Variants in TP63 observed in about 807,000 individuals in gnomAD.
TP63 encodes the protein tumor protein 63.
In TP63, 17 loss-of-function variants were observed where a neutral mutation model predicts 82.8. The observed-to-expected ratio is 0.21, with a 90% CI of 0.14 to 0.31. The LOEUF (loss-of-function observed/expected upper bound fraction) is 0.31, where lower values mean the gene tolerates loss of function less well. Among genes scored for constraint, TP63 ranks in the 10% least tolerant of loss-of-function variants. TP63 has a pLI of 1.00. For missense variants in TP63, 648 were observed against 895.3 expected (o/e 0.72, Z 3.52); for synonymous variants, 330 against 321.7 (o/e 1.03, Z -0.28).
intron 1 of TP63, among the ~76,000 whole-genome samples, chr3:189,641,005 C>A (rs977757086): frequency 9.2e-5 from 14 of 152,000 alleles, no homozygotes; most frequent in Admixed American, 7.9e-4. Context: ...TAATACCTAG[C>A]CTCTCTGAAT....
chr3:189,668,447 T>C (rs1714601935), intron 1 of TP63, among the ~76,000 whole-genome samples: 2 of 151,822 alleles, frequency 1.3e-5, no homozygotes, highest in Non-Finnish European at 2.9e-5. Flanking sequence ...ACATGAAAAA[T>C]ATAAAAGCAA....
At chr3:189,755,829 A>G (rs1722147034) in intron 3 of TP63, among the ~76,000 whole-genome samples, 2 of 152,172 alleles carry the variant, frequency 1.3e-5, no homozygotes, top group African/African-American at 4.8e-5. Context: ...TCTTTGAAAC[A>G]TGCAAGTACT....
At chr3:189,860,607 G>A (rs1241409671) in intron 4 of TP63, among the ~76,000 whole-genome samples, 1 of 152,220 alleles carries the variant, frequency 6.6e-6, no homozygotes, top group Non-Finnish European at 1.5e-5. Flanking sequence ...AGGACTGGTA[G>A]TTGAACCAAA....
Position 189,871,951 on chromosome 3 carries a change from G to A in TP63, c.1213-908G>A, listed in dbSNP as rs139793452. 6.1e-3 allele frequency among the ~76,000 whole-genome samples: 930 copies of A among 152,252 alleles called. 5 individuals are homozygous for A. Among genetic ancestry groups the A allele is most frequent in the Middle Eastern group, 0.014 (4 of 294 alleles). ...GGTGGTCTTGAACTACTGAGCTCAA[G>A]CAATCTGTTCCCTCCCAAATTGCCG... On this transcript the variant is annotated intron_variant, in intron 9 of 13. Transcript: ENST00000264731.
rs566021476 is a variant in TP63 at position 189,657,524 on chromosome 3, C to G, written c.62+25947C>G. 5.9e-5 allele frequency among the ~76,000 whole-genome samples: 9 copies of G among 152,192 alleles called. No homozygotes were observed. In the East Asian group the frequency reaches 1.7e-3, roughly 29 times the overall value. ...AAAAGAACTAGACATAAAAATTGCA[C>G]TCTCTTTGATGAAGCTTTTACCTGT... is the stretch of plus-strand genomic sequence containing the variant. On this transcript the variant is annotated intron_variant, in intron 1 of 13. Coordinates refer to ENST00000264731, the MANE Select transcript of TP63 (RefSeq NM_003722.5).
the TP63 span, among the ~76,000 whole-genome samples, chr3:189,597,345 A>G: frequency 3.3e-5 from 5 of 152,242 alleles, no homozygotes; most frequent in Non-Finnish European, 7.3e-5. Context: ...TGAAATAAAT[A>G]TGACTTAATA....
At chr3:189,748,831 C>T (rs1721581570) in intron 3 of TP63, among the ~76,000 whole-genome samples, 1 of 151,978 alleles carries the variant, frequency 6.6e-6, no homozygotes, top group South Asian at 2.1e-4. Context: ...GGTATAAAAA[C>T]AGATACATAG....
chr3:189,646,371 G>C (rs1712426182), intron 1 of TP63, among the ~76,000 whole-genome samples: 1 of 146,826 alleles, frequency 6.8e-6, no homozygotes, highest in African/African-American at 2.6e-5. Flanking sequence ...ATGGATGAAT[G>C]AATGAGTGAA....
chr3:189,684,257 C>T (rs958970462), intron 1 of TP63, among the ~76,000 whole-genome samples: 2 of 152,164 alleles, frequency 1.3e-5, no homozygotes, highest in Non-Finnish European at 2.9e-5. Context: ...GAATAAGATA[C>T]ATTCTTCAAA....
upstream of TP63, among the ~76,000 whole-genome samples, chr3:189,628,937 A>C (rs1349289859): frequency 6.6e-6 from 1 of 152,106 alleles, no homozygotes; most frequent in Non-Finnish European, 1.5e-5. Context: ...AATCTTTTTC[A>C]TAATTACTTA....
chr3:189,848,056 G>T (rs1320000893), intron 4 of TP63, among the ~76,000 whole-genome samples: 1 of 152,092 alleles, frequency 6.6e-6, no homozygotes, highest in Non-Finnish European at 1.5e-5. Flanking sequence ...GAAGAACACT[G>T]GTCTGTATGT....
Position 189,808,238 on chromosome 3 carries a change from C to T in TP63, c.325-34C>T, listed in dbSNP as rs36023188. 1.2e-3 allele frequency: 1,898 copies of T among 1,614,200 alleles called. 19 individuals are homozygous for T. The African/African-American group carries it at 0.023, about 19-fold the overall frequency. On this transcript the variant is annotated intron_variant, in intron 3 of 13. Transcript: ENST00000264731. ...TTGGAGCAATGATCCGTGGCTTCAG[C>T]GGCTAATATTGGGGTTTCTGGGTGT...
intron 3 of TP63, among the ~76,000 whole-genome samples, chr3:189,802,617 A>T (rs79356987): frequency 6.6e-6 from 1 of 152,182 alleles, no homozygotes; most frequent in African/African-American, 2.4e-5. Flanking sequence ...GCCCAGAGGT[A>T]CACAGCACAC....
At chr3:189,777,773 A>G (rs1385814402) in intron 3 of TP63, among the ~76,000 whole-genome samples, 2 of 124,558 alleles carry the variant, frequency 1.6e-5, no homozygotes, top group African/African-American at 6.4e-5. Flanking sequence ...TTTTTCTTTT[A>G]AGTGTATGTC....
chr3:189,823,130 G>A (rs1728967151), intron 4 of TP63, among the ~76,000 whole-genome samples: 2 of 152,178 alleles, frequency 1.3e-5, no homozygotes, highest in South Asian at 2.1e-4. Context: ...ACTGAAGAGA[G>A]TAGACTCTCC....
At chr3:189,622,281 A>G in the TP63 span, among the ~76,000 whole-genome samples, 1 of 152,238 alleles carries the variant, frequency 6.6e-6, no homozygotes, top group East Asian at 1.9e-4. Flanking sequence ...GCTGGAAACC[A>G]TGCATACGTA....
intron 4 of TP63, among the ~76,000 whole-genome samples, chr3:189,851,524 A>G (rs1715628620): frequency 1.3e-5 from 2 of 152,178 alleles, no homozygotes; most frequent in African/African-American, 2.4e-5. Flanking sequence ...GCCGTGAGAC[A>G]GGATCGCGCC....
chr3:189,825,797 A>G (rs1362243867), intron 4 of TP63, among the ~76,000 whole-genome samples: 3 of 152,222 alleles, frequency 2.0e-5, no homozygotes, highest in African/African-American at 7.2e-5. Context: ...GTGCTTTAAA[A>G]AAAATAATAT....
At chr3:189,855,874 G>A (rs1302697698) in intron 4 of TP63, among the ~76,000 whole-genome samples, 2 of 152,020 alleles carry the variant, frequency 1.3e-5, no homozygotes, top group Non-Finnish European at 2.9e-5. Context: ...TAGAAAAAGA[G>A]AAGTTGGGGA....
Sources: allele counts gnomAD v4.1 joint callset (sites outside exome capture counted in the v4.1 genomes callset), GRCh38; gene constraint gnomAD v4.1.1; transcripts MANE v1.5; gene names NCBI Gene and HGNC (gene_info 2026-07-23, HGNC 2026-07-21).